Variants in SLC4A4 observed in about 807,000 individuals in gnomAD.
SLC4A4 encodes the protein solute carrier family 4 member 4, also known as electrogenic sodium bicarbonate cotransporter 1.
SLC4A4 carries 27 observed loss-of-function variants against 111.5 expected under a neutral mutation model. That is an observed-to-expected ratio of 0.24 (90% CI 0.18 to 0.33). The LOEUF is 0.33. Among genes scored for constraint, SLC4A4 ranks in the 10% least tolerant of loss-of-function variants. SLC4A4 has a pLI of 1.00. For missense variants in SLC4A4, 909 were observed against 1,315.5 expected (o/e 0.69, Z 4.78); for synonymous variants, 443 against 463.4 (o/e 0.96, Z 0.57).
At chr4:71,502,142 G>A (rs1365865524) in intron 16 of SLC4A4, among the ~76,000 whole-genome samples, 2 of 152,076 alleles carry the variant, frequency 1.3e-5, no homozygotes, top group African/African-American at 2.4e-5. Context: ...TGTATTTTTT[G>A]TGGAGACGAG....
At chr4:71,339,613 T>C (rs974436900) in intron 4 of SLC4A4, 108 bp downstream of exon 4, 3 of 1,017,890 alleles carry the variant, frequency 2.9e-6, no homozygotes, top group Admixed American at 3.8e-5. Flanking sequence ...GAATGGCCAA[T>C]GGGCATGATG....
intron 7 of SLC4A4, among the ~76,000 whole-genome samples, chr4:71,428,960 A>G (rs1474554783): frequency 1.3e-5 from 2 of 152,168 alleles, no homozygotes; most frequent in African/African-American, 4.8e-5. Flanking sequence ...AATTAGATTT[A>G]AAGGACAAAT....
chr4:71,093,790 ATGG>A (rs1742458582), intron 2 of SLC4A4, among the ~76,000 whole-genome samples: 1 of 152,218 alleles, frequency 6.6e-6, no homozygotes, highest in South Asian at 2.1e-4. Flanking sequence ...TGGTCTTACA[ATGG>A]TGGGTCATTT....
chr4:71,367,011 C>T (rs1279280828), intron 6 of SLC4A4, among the ~76,000 whole-genome samples: 1 of 152,346 alleles, frequency 6.6e-6, no homozygotes, highest in East Asian at 1.9e-4. Flanking sequence ...GTTCCATTTT[C>T]ATGCCTGTCT....
chr4:71,103,585 T>G (rs1379598769), intron 2 of SLC4A4, among the ~76,000 whole-genome samples: 1 of 152,096 alleles, frequency 6.6e-6, no homozygotes, highest in Non-Finnish European at 1.5e-5. Flanking sequence ...CAGACCACAG[T>G]GCAATCAAAC....
intron 7 of SLC4A4, among the ~76,000 whole-genome samples, chr4:71,431,588 C>A (rs1723649046): frequency 6.6e-6 from 1 of 151,986 alleles, no homozygotes; most frequent in African/African-American, 2.4e-5. Flanking sequence ...GGTCTGATTT[C>A]TAGTGCTACA....
intron 6 of SLC4A4, among the ~76,000 whole-genome samples, chr4:71,388,554 A>G (rs1234239937): frequency 6.6e-6 from 1 of 151,962 alleles, no homozygotes; most frequent in Non-Finnish European, 1.5e-5. Flanking sequence ...TCATTCATTC[A>G]TTCATTCATG....
intron 2 of SLC4A4, among the ~76,000 whole-genome samples, chr4:71,249,657 A>G (rs1975708): frequency 0.89 from 135,338 of 152,138 alleles, 61,736 homozygotes; most frequent in Non-Finnish European, 0.99. Flanking sequence ...GGGAGGCCGA[A>G]GTGAGTGGAT....
chr4:71,204,755 C>G (rs1447135828), intron 1 of SLC4A4, among the ~76,000 whole-genome samples: 1 of 152,084 alleles, frequency 6.6e-6, no homozygotes, highest in Non-Finnish European at 1.5e-5. Flanking sequence ...AATAGTTTTT[C>G]TAGTCTAACT....
chr4:71,255,188 G>T (rs1246963693), intron 2 of SLC4A4, 32 bp from the exon 3 acceptor site: 1 of 1,604,450 alleles, frequency 6.2e-7, no homozygotes, highest in South Asian at 1.1e-5. Context: ...AATGTGGTTT[G>T]AACTGACTGG....
At chr4:71,180,989 G>A (rs1250083731) in intron 2 of SLC4A4, among the ~76,000 whole-genome samples, 1 of 151,964 alleles carries the variant, frequency 6.6e-6, no homozygotes, top group Non-Finnish European at 1.5e-5. Context: ...TGATAGACTG[G>A]ATTAAGAAAA....
chr4:71,111,884 A>G (rs1209317165), intron 2 of SLC4A4, among the ~76,000 whole-genome samples: 1 of 137,000 alleles, frequency 7.3e-6, no homozygotes, highest in Non-Finnish European at 1.6e-5. Flanking sequence ...TTTAGTAGAA[A>G]CAGGGTTTCA....
intron 7 of SLC4A4, among the ~76,000 whole-genome samples, chr4:71,434,118 G>A (rs1723892126): frequency 6.6e-6 from 1 of 151,922 alleles, no homozygotes. Context: ...TAGAACCCTA[G>A]GGAAAAAGTG....
chr4:71,400,650 T>A (rs554683149), intron 7 of SLC4A4, among the ~76,000 whole-genome samples: 3 of 152,314 alleles, frequency 2.0e-5, no homozygotes, highest in Admixed American at 6.5e-5. Flanking sequence ...TTGTAACTAA[T>A]TCATAATCTC....
chr4:71,513,827 G>GT (rs1219340039), intron 16 of SLC4A4, among the ~76,000 whole-genome samples: 1 of 152,072 alleles, frequency 6.6e-6, no homozygotes, highest in African/African-American at 2.4e-5. Context: ...TTTATTGAGA[G>GT]TTTTTATCAT....
rs1719943698 is a variant in SLC4A4, at chr4:71,397,595, A to G, written c.749A>G (p.His250Arg). The stretch of plus-strand genomic sequence containing the variant: ...TTTCCAGGTAGCCCAGCCATGACCC[A>G]TAGGAATCTGACTTCCTCCAGTCTG... ...NPDNGSPAMT[H>R]RNLTSSSLND... Residue 250 changes from histidine (H) to arginine (R), a missense_variant, in exon 7 of 26, where the codon CAT (histidine) becomes CGT (arginine). Physicochemically the swap from His to Arg is conservative, Grantham distance 29 (BLOSUM62 0). Transcript: ENST00000264485. 6.2e-7 allele frequency: 1 copy of G among 1,614,004 alleles called. No individual in the cohort carries two copies. Among genetic ancestry groups the G allele is most frequent in the Non-Finnish European group, 8.5e-7 (1 of 1,179,902 alleles).
chr4:71,397,285 A>T (rs1719907348), intron 6 of SLC4A4, among the ~76,000 whole-genome samples: 1 of 152,200 alleles, frequency 6.6e-6, no homozygotes, highest in Non-Finnish European at 1.5e-5. Flanking sequence ...AACCAGGAAC[A>T]ATTTTATTTT....
At chr4:71,544,566 C>G (rs373619199) in intron 18 of SLC4A4, among the ~76,000 whole-genome samples, 1 of 151,990 alleles carries the variant, frequency 6.6e-6, no homozygotes, top group African/African-American at 2.4e-5. Context: ...AGAACCCAAC[C>G]GCTTCTTACC....
At chr4:71,408,586 T>G (rs1387385101) in intron 7 of SLC4A4, among the ~76,000 whole-genome samples, 1 of 152,212 alleles carries the variant, frequency 6.6e-6, no homozygotes, top group Non-Finnish European at 1.5e-5. Context: ...TACTGCTCTA[T>G]CCACACTGTA....
Sources: gnomAD v4.1 joint callset for allele counts (sites outside exome capture counted in the v4.1 genomes callset) on GRCh38, gnomAD v4.1.1 for gene constraint, MANE v1.5 for transcripts, NCBI Gene and HGNC (gene_info 2026-07-23, HGNC 2026-07-21) for gene names.